The following LRFN2 variants were observed in gnomAD, a reference collection of about 807,000 sequenced individuals.
The protein encoded by LRFN2 is leucine rich repeat and fibronectin type III domain containing 2, also known as leucine-rich repeat and fibronectin type-III domain-containing protein 2.
A neutral mutation model predicts 37.3 loss-of-function variants in LRFN2; 18 were observed. The ratio of observed to expected loss-of-function variants is 0.48; its 90% CI spans 0.33 to 0.72. LRFN2 has a LOEUF of 0.72. Among genes scored for constraint, LRFN2 ranks in the 30% least tolerant of loss-of-function variants. The pLI is 0.02. For synonymous variants in LRFN2, 556 were observed against 466.6 expected (o/e 1.19, Z -2.47); for missense variants, 1,006 against 1,060.7 (o/e 0.95, Z 0.72).
At chr6:40,417,825 A>G (rs1763130635) in intron 2 of LRFN2, among the ~76,000 whole-genome samples, 1 of 152,144 alleles carries the variant, frequency 6.6e-6, no homozygotes, top group Non-Finnish European at 1.5e-5. Context: ...CAAGTGGGAG[A>G]GAAAGAAGGG....
intron 1 of LRFN2, among the ~76,000 whole-genome samples, chr6:40,561,329 G>A (rs1013170134): frequency 3.9e-5 from 6 of 152,172 alleles, no homozygotes; most frequent in African/African-American, 1.2e-4. Context: ...GAGACCCCAA[G>A]GACCTTTTGC....
intron 1 of LRFN2, among the ~76,000 whole-genome samples, chr6:40,516,755 G>A (rs1765888703): frequency 6.6e-6 from 1 of 152,136 alleles, no homozygotes; most frequent in South Asian, 2.1e-4. Context: ...ATCATGGGGT[G>A]GCCAGGAGCA....
intron 1 of LRFN2, among the ~76,000 whole-genome samples, chr6:40,509,090 CAG>C: frequency 6.6e-6 from 1 of 152,236 alleles, no homozygotes; most frequent in Non-Finnish European, 1.5e-5. Context: ...CCCATCCACT[CAG>C]TCTGTCAACA....
At chr6:40,560,727 T>G (rs10947894) in intron 1 of LRFN2, among the ~76,000 whole-genome samples, 72,202 of 152,118 alleles carry the variant, frequency 0.47, 18,177 homozygotes, top group African/African-American at 0.64. Context: ...CAGAATAGAA[T>G]AGATAACAGG....
chr6:40,487,611 T>G (rs899712149), intron 1 of LRFN2, among the ~76,000 whole-genome samples: 18 of 152,234 alleles, frequency 1.2e-4, no homozygotes, highest in African/African-American at 3.9e-4. Flanking sequence ...TTTGGAAGGA[T>G]GACCAGAAGG....
chr6:40,446,165 G>C lies in LRFN2; in HGVS notation c.-18-13034C>G, dbSNP rs1411670230. Among the ~76,000 whole-genome samples the C allele has an allele frequency of 1.1e-4, 16 of 152,334 alleles. No homozygotes were observed. The East Asian group carries it at 3.1e-3, about 29-fold the overall frequency. ...TGTCGGTTAGATGGGCAGGAATAGAGCCATGACTAGGGAGCAATAATCAAA... is the reference window on the plus strand; with the variant it reads ...TGTCGGTTAGATGGGCAGGAATAGACCCATGACTAGGGAGCAATAATCAAA... On this transcript the variant is annotated intron_variant, in intron 1 of 2. Coordinates refer to ENST00000338305, the MANE Select transcript of LRFN2 (RefSeq NM_020737.3).
chr6:40,415,162 G>A (rs1018581144), intron 2 of LRFN2, among the ~76,000 whole-genome samples: 10 of 152,090 alleles, frequency 6.6e-5, no homozygotes, highest in South Asian at 6.2e-4. Context: ...GTCTTTCCCC[G>A]CAATGCCTCC....
chr6:40,439,033 TC>T (rs1763763849), intron 1 of LRFN2, among the ~76,000 whole-genome samples: 1 of 151,884 alleles, frequency 6.6e-6, no homozygotes, highest in South Asian at 2.1e-4. Context: ...CCACAGGCTT[TC>T]CCCCCAGCCA....
At chr6:40,527,457 G>T (rs868185929) in intron 1 of LRFN2, among the ~76,000 whole-genome samples, 13 of 152,338 alleles carry the variant, frequency 8.5e-5, no homozygotes, top group Non-Finnish European at 1.9e-4. Context: ...ACAGCAAGGG[G>T]TCGGACCAGA....
chr6:40,396,055 A>C (rs983458898), intron 2 of LRFN2, among the ~76,000 whole-genome samples: 1 of 145,116 alleles, frequency 6.9e-6, no homozygotes, highest in Non-Finnish European at 1.5e-5. Flanking sequence ...TCACACTAGT[A>C]CTACTATTAG....
chr6:40,395,756 T>G (rs1240580033), intron 2 of LRFN2, among the ~76,000 whole-genome samples: 1 of 152,164 alleles, frequency 6.6e-6, no homozygotes, highest in Admixed American at 6.5e-5. Context: ...GAAACAGAGG[T>G]GCAGAAGTGT....
At chr6:40,548,427 C>T (rs1024177096) in intron 1 of LRFN2, among the ~76,000 whole-genome samples, 3 of 142,428 alleles carry the variant, frequency 2.1e-5, no homozygotes, top group African/African-American at 2.5e-5. Flanking sequence ...GGTGACACAA[C>T]GAGACTCCAT....
chr6:40,579,468 G>A (rs1341500931), intron 1 of LRFN2, among the ~76,000 whole-genome samples: 2 of 152,028 alleles, frequency 1.3e-5, no homozygotes, highest in East Asian at 3.9e-4. Context: ...CAGCTTGAGA[G>A]CCTGTTTCTT....
chr6:40,450,251 C>A (rs1319708001), intron 1 of LRFN2, among the ~76,000 whole-genome samples: 1 of 152,210 alleles, frequency 6.6e-6, no homozygotes, highest in African/African-American at 2.4e-5. Flanking sequence ...GAACCACCTG[C>A]ATATCCACAT....
chr6:40,434,285 CTT>C (rs66879321), intron 1 of LRFN2, among the ~76,000 whole-genome samples: 11,938 of 152,204 alleles, frequency 0.078, 677 homozygotes, highest in Admixed American at 0.18. Flanking sequence ...TGACTCAAGT[CTT>C]TGCGCCTCCA....
At chr6:40,562,806 T>C (rs1767022463) in intron 1 of LRFN2, among the ~76,000 whole-genome samples, 1 of 151,064 alleles carries the variant, frequency 6.6e-6, no homozygotes, top group Non-Finnish European at 1.5e-5. Flanking sequence ...CAAAGGCACA[T>C]GTGAGCGTGC....
chr6:40,529,394 T>G (rs892852897), intron 1 of LRFN2, among the ~76,000 whole-genome samples: 9 of 152,226 alleles, frequency 5.9e-5, no homozygotes, highest in Admixed American at 5.9e-4. Flanking sequence ...TATTTATTGC[T>G]TACTTAAATT....
chr6:40,566,879 T>TATA (rs550658274), intron 1 of LRFN2, among the ~76,000 whole-genome samples: 3,224 of 151,712 alleles, frequency 0.021, 129 homozygotes, highest in African/African-American at 0.07. Flanking sequence ...AAACTTAAAG[T>TATA]ATAATAATAA....
chr6:40,542,685 C>A (rs751842980), intron 1 of LRFN2, among the ~76,000 whole-genome samples: 1 of 152,184 alleles, frequency 6.6e-6, no homozygotes, highest in Non-Finnish European at 1.5e-5. Context: ...TGCTCCCCAA[C>A]TCTGACCAGG....
Sources: gnomAD v4.1 joint callset for allele counts (sites outside exome capture counted in the v4.1 genomes callset) on GRCh38, gnomAD v4.1.1 for gene constraint, MANE v1.5 for transcripts, NCBI Gene and HGNC (gene_info 2026-07-23, HGNC 2026-07-21) for gene names.